The following MYH14 variants were observed in gnomAD, a reference collection of about 807,000 sequenced individuals.
The protein encoded by MYH14 is myosin-14.
MYH14 carries 123 observed loss-of-function variants against 255.5 expected under a neutral mutation model. That is an observed-to-expected ratio of 0.48 (90% confidence interval 0.42 to 0.56). MYH14 has a LOEUF of 0.56. MYH14 is among the 20% of genes least tolerant of loss of function. The pLI, the probability that MYH14 is intolerant of heterozygous loss-of-function variation, is 0.00. For missense variants in MYH14, 2,423 were observed against 2,802.3 expected, an observed-to-expected ratio of 0.86 and a Z score of 3.06; for synonymous variants, 1,095 against 1,161.2, an observed-to-expected ratio of 0.94 and a Z score of 1.16.
chr19:50,273,485 C>T (rs912346571), intron 27 of MYH14, among the ~76,000 whole-genome samples: 6 of 151,864 alleles, frequency 4.0e-5, no homozygotes, highest in African/African-American at 1.5e-4. Context: ...GTTTCAAATG[C>T]TTTTTATGCA....
At chr19:50,241,219 G>A (rs751179018) in intron 10 of MYH14, among the ~76,000 whole-genome samples, 10 of 152,092 alleles carry the variant, frequency 6.6e-5, no homozygotes, top group Non-Finnish European at 1.2e-4. Flanking sequence ...GGCGGATCAC[G>A]AGGTCAAGAG....
At chr19:50,206,418 T>A (rs899848051) in intron 1 of MYH14, among the ~76,000 whole-genome samples, 1 of 3,914 alleles carries the variant, frequency 2.6e-4, no homozygotes, top group Non-Finnish European at 4.5e-4. Context: ...TGGGGTGGGG[T>A]GGGGTGGGTG....
At position 50,250,435 on chromosome 19, in the gene MYH14, T is replaced by C; in HGVS notation, c.1657-80T>C. On this transcript the variant is annotated intron_variant, in intron 14 of 42. Coordinates refer to ENST00000642316, the MANE Select transcript of MYH14 (RefSeq NM_001145809.2). The surrounding 1 kb of genome is among the most constrained non-coding windows in gnomAD (Gnocchi z 5.4). ...TGTTTTTATGTCCAAGTGTGACTTA[T>C]AAGAGCTAAAAATCAGCAGCCACCT... 1.4e-6 allele frequency: 2 copies of C among 1,428,820 alleles called. No individual in the cohort carries two copies. The allele number at this position is 1,428,820 out of a possible 1,614,324, so 88.5% of individuals were successfully genotyped here.
At chr19:50,238,207 T>C (rs1358015128) in intron 10 of MYH14, among the ~76,000 whole-genome samples, 2 of 152,142 alleles carry the variant, frequency 1.3e-5, no homozygotes, top group Non-Finnish European at 2.9e-5. Flanking sequence ...TTGCTAGTGA[T>C]GGGCGAGTCT....
At position 50,217,725 on chromosome 19, in the gene MYH14, C is replaced by T; in HGVS notation, c.516C>T (p.Pro172=). The change falls in exon 3 of 43, where the codon CCC becomes CCT. Residue 172 remains proline (P), a synonymous_variant. Transcript: ENST00000642316. The part of the protein sequence containing the change: ...YRGKKRHEVP[P]HVYAVTEGAY... ...GCAAGAAGCGCCACGAGGTGCCACC[C>T]CACGTGTACGCAGTGACCGAGGGGG... 6.2e-7 allele frequency: 1 copy of T among 1,613,950 alleles called. No homozygotes were observed. Among genetic ancestry groups the T allele is most frequent in the South Asian group, 1.1e-5 (1 of 91,086 alleles).
chr19:50,308,476 G>A (rs1291591009), intron 41 of MYH14: 5 of 152,868 alleles, frequency 3.3e-5, no homozygotes, highest in African/African-American at 9.7e-5. Context: ...GCACCTGCAC[G>A]TTGCTTCTTG....
intron 27 of MYH14, among the ~76,000 whole-genome samples, chr19:50,275,644 A>G (rs1018637194): frequency 2.6e-5 from 4 of 152,150 alleles, no homozygotes; most frequent in African/African-American, 7.2e-5. Context: ...CCTAGGCAAC[A>G]TAGGCAGACC....
chr19:50,302,284 T>A (rs868644194), intron 40 of MYH14, among the ~76,000 whole-genome samples: 1,640 of 117,340 alleles, frequency 0.014, 46 homozygotes, highest in African/African-American at 0.052. Context: ...ACCTTGTCTC[T>A]AAAAAAAAAA....
chr19:50,224,052 A>ACCCCCCCCGCCCC, intron 5 of MYH14, 102 bp from the exon 6 acceptor site: 1 of 362,146 alleles, frequency 2.8e-6, no homozygotes, highest in Non-Finnish European at 4.5e-6. Flanking sequence ...CCCTTCCCCC[A>ACCCCCCCCGCCCC]CCCCCCATGC....
chr19:50,274,611 A>G (rs2035437790), intron 27 of MYH14, among the ~76,000 whole-genome samples: 1 of 151,582 alleles, frequency 6.6e-6, no homozygotes, highest in Non-Finnish European at 1.5e-5. Flanking sequence ...CTTTTTTATC[A>G]CCCCCAAAAG....
At chr19:50,216,967 C>T (rs557097206) in intron 2 of MYH14, among the ~76,000 whole-genome samples, 14 of 117,442 alleles carry the variant, frequency 1.2e-4, no homozygotes, top group African/African-American at 3.3e-4. Flanking sequence ...GTCACCACAC[C>T]TGGCTAATTT....
At chr19:50,271,779 T>G in intron 25 of MYH14, 70 bp from the exon 26 acceptor site, 1 of 1,596,150 alleles carries the variant, frequency 6.3e-7, no homozygotes. Flanking sequence ...CACCAGAAGC[T>G]GCAGATCAGG....
At chr19:50,281,556 G>T (rs1408412358) in intron 32 of MYH14, 38 bp from the exon 33 acceptor site, 2 of 1,539,832 alleles carry the variant, frequency 1.3e-6, no homozygotes, top group East Asian at 4.5e-5. Context: ...GTCACTCATG[G>T]CCGTGACCAC....
chr19:50,272,756 G>A (rs2035357411), intron 27 of MYH14, 25 bp downstream of exon 27: 6 of 1,548,034 alleles, frequency 3.9e-6, no homozygotes, highest in Non-Finnish European at 5.2e-6. Flanking sequence ...GGGCTTGGTG[G>A]GGTAAGCAGC....
chr19:50,260,601 G>T (rs371593110), intron 19 of MYH14, 45 bp from the exon 20 acceptor site: 1 of 1,449,996 alleles, frequency 6.9e-7, no homozygotes, highest in Non-Finnish European at 9.7e-7. Context: ...CTAGGTGAGC[G>T]TTTGCTGTAA....
Position 50,266,416 on chromosome 19 carries a change from G to A in MYH14, c.2695-461G>A, listed in dbSNP as rs1651545. Among the ~76,000 whole-genome samples the A allele has an allele frequency of 7.0e-3, 1,063 of 152,212 alleles. 13 individuals are homozygous for A. The highest frequency in any genetic ancestry group is 0.023 in the African/African-American group (975 of 41,538). On this transcript the variant is annotated intron_variant, in intron 22 of 42. Coordinates refer to ENST00000642316, the MANE Select transcript of MYH14 (RefSeq NM_001145809.2). This position sits in a 1 kb window ranked among gnomAD's most constrained non-coding sequence, Gnocchi z 4.1. ...TCTACTGAAAGCACAAAAATTAGCC[G>A]GACGTGGTGGCATACGCCTGTAATC...
At chr19:50,204,960 C>T (rs1017268717) in intron 1 of MYH14, among the ~76,000 whole-genome samples, 7 of 151,876 alleles carry the variant, frequency 4.6e-5, no homozygotes, top group Non-Finnish European at 1.0e-4. Context: ...GAGAAAATAC[C>T]CGACACATAG....
chr19:50,217,800 C>T (rs780939926), intron 3 of MYH14, 29 bp downstream of exon 3: 28 of 1,605,158 alleles, frequency 1.7e-5, no homozygotes, highest in Non-Finnish European at 2.0e-5. Flanking sequence ...TGTAGGCCAG[C>T]GAGGCGGCTC....
chr19:50,305,565 T>C (rs139592486), intron 40 of MYH14, among the ~76,000 whole-genome samples: 50 of 151,768 alleles, frequency 3.3e-4, no homozygotes, highest in Non-Finnish European at 1.6e-4. Context: ...TAGCTTGAGG[T>C]CTATGGGGAC....
Sources: gnomAD v4.1 joint callset for allele counts (sites outside exome capture counted in the v4.1 genomes callset) on GRCh38, gnomAD v4.1.1 for gene constraint, Gnocchi (gnomAD v3.1) non-coding constraint, MANE v1.5 for transcripts, NCBI Gene and HGNC (gene_info 2026-07-23, HGNC 2026-07-21) for gene names.